ARMC9: variants seen among roughly 807,000 people sequenced by gnomAD.
ARMC9 encodes the protein lisH domain-containing protein ARMC9.
In ARMC9, 94 loss-of-function variants were observed where a neutral mutation model predicts 107.0. The observed-to-expected ratio is 0.88, with a 90% CI of 0.74 to 1.04. The LOEUF is 1.04. Ranked by LOEUF, ARMC9 falls within the 50% of genes least tolerant of loss-of-function variation. The pLI is 0.00. For missense variants in ARMC9, 942 were observed against 1,030.1 expected, an observed-to-expected ratio of 0.91 and a Z score of 1.17; for synonymous variants, 380 against 396.9, an observed-to-expected ratio of 0.96 and a Z score of 0.51.
intron 15 of ARMC9, among the ~76,000 whole-genome samples, chr2:231,277,278 T>C (rs1213553091): frequency 1.3e-5 from 2 of 152,160 alleles, no homozygotes; most frequent in East Asian, 3.8e-4. Context: ...AGGTAGTGAT[T>C]TGAGCTTTTC....
chr2:231,263,485 C>G (rs900616299), intron 12 of ARMC9, among the ~76,000 whole-genome samples: 4 of 152,198 alleles, frequency 2.6e-5, no homozygotes, highest in Admixed American at 1.3e-4. Flanking sequence ...AGCCTACTCG[C>G]ACAATAACTA....
chr2:231,302,023 T>G (rs921964006), intron 19 of ARMC9, among the ~76,000 whole-genome samples: 1 of 152,112 alleles, frequency 6.6e-6, no homozygotes, highest in Non-Finnish European at 1.5e-5. Flanking sequence ...AGTTCCTGGG[T>G]CTCCTGTCCT....
intron 6 of ARMC9, among the ~76,000 whole-genome samples, chr2:231,226,505 A>G (rs1055849419): frequency 1.1e-4 from 16 of 152,202 alleles, no homozygotes; most frequent in African/African-American, 3.1e-4. Context: ...AGGGGATAGG[A>G]GGCTGTTGAA....
intron 19 of ARMC9, among the ~76,000 whole-genome samples, chr2:231,314,600 A>G (rs2042557885): frequency 2.0e-5 from 3 of 152,204 alleles, no homozygotes; most frequent in African/African-American, 4.8e-5. Flanking sequence ...AGCGGCATCC[A>G]TGGCCTCTGC....
Position 231,376,728 on chromosome 2 carries a change from C to T in ARMC9, c.*5193C>T, listed in dbSNP as rs1339518239. 2.6e-5 allele frequency among the ~76,000 whole-genome samples: 4 copies of T among 152,216 alleles called. No individual in the cohort carries two copies. The highest frequency in any genetic ancestry group is 2.1e-4 in the South Asian group (1 of 4,820). On this transcript the variant is annotated 3_prime_UTR_variant, in exon 25 of 25. Coordinates refer to ENST00000611582, the MANE Select transcript of ARMC9 (RefSeq NM_001352754.2). ...TTGATGTCTGTCACCCACACCTATT[C>T]GCACACTCCCTCCCCTTTTGAAAAT...
intron 23 of ARMC9, among the ~76,000 whole-genome samples, chr2:231,361,460 TA>T (rs567342793): frequency 1.7e-3 from 145 of 87,476 alleles, no homozygotes; most frequent in Admixed American, 2.1e-3. Context: ...ATCAAAAAAC[TA>T]AAAAAAAAAA....
At chr2:231,265,685 G>C (rs979016589) in intron 12 of ARMC9, among the ~76,000 whole-genome samples, 1 of 150,030 alleles carries the variant, frequency 6.7e-6, no homozygotes, top group Non-Finnish European at 1.5e-5. Flanking sequence ...CCAGAAACTT[G>C]AAATAAAACT....
chr2:231,350,226 A>G (rs930628983), intron 21 of ARMC9, among the ~76,000 whole-genome samples: 3 of 151,676 alleles, frequency 2.0e-5, no homozygotes, highest in African/African-American at 7.3e-5. Flanking sequence ...GGATTTCACC[A>G]TGTTGGCCAG....
chr2:231,220,875 G>A (rs2034054398), intron 5 of ARMC9, among the ~76,000 whole-genome samples: 2 of 152,338 alleles, frequency 1.3e-5, no homozygotes, highest in South Asian at 4.1e-4. Flanking sequence ...ATACAAAATA[G>A]TAATCAACAA....
intron 1 of ARMC9, 106 bp downstream of exon 1, chr2:231,198,804 C>G (rs1247436812): frequency 1.3e-5 from 2 of 152,548 alleles, no homozygotes; most frequent in Non-Finnish European, 2.9e-5. Flanking sequence ...ACCTCTTGTT[C>G]CGAGGAAAAA....
At chr2:231,367,456 T>C (rs1353058124) in intron 23 of ARMC9, among the ~76,000 whole-genome samples, 1 of 152,128 alleles carries the variant, frequency 6.6e-6, no homozygotes, top group Non-Finnish European at 1.5e-5. Context: ...CTGGCTGCCT[T>C]TGAGGGCTGC....
intron 9 of ARMC9, among the ~76,000 whole-genome samples, chr2:231,247,447 C>T (rs1202099525): frequency 6.6e-6 from 1 of 152,190 alleles, no homozygotes; most frequent in Non-Finnish European, 1.5e-5. Flanking sequence ...TGCCTTCTCC[C>T]CAGTGTGATT....
At chr2:231,206,682 G>T (rs1277736246) in intron 2 of ARMC9, among the ~76,000 whole-genome samples, 1 of 152,150 alleles carries the variant, frequency 6.6e-6, no homozygotes, top group Non-Finnish European at 1.5e-5. Flanking sequence ...CAATAATATA[G>T]CATGAACATC....
Position 231,216,537 on chromosome 2 carries a change from G to A in ARMC9, c.349-101G>A, listed in dbSNP as rs138705063. The A allele has an allele frequency of 2.0e-4, 276 of 1,346,584 alleles. 3 individuals are homozygous for A. In the East Asian group the frequency reaches 4.8e-3, roughly 24 times the overall value. 83.4% of individuals were successfully genotyped at this position (1,346,584 alleles called of 1,614,324 possible). On this transcript the variant is annotated intron_variant, in intron 4 of 24. Coordinates refer to ENST00000611582, the MANE Select transcript of ARMC9 (RefSeq NM_001352754.2). ...GCCAGGTTAGATAGGGGATGCCAGC[G>A]ACACGACTGGGACAGAAGGAGCCTC...
intron 15 of ARMC9, among the ~76,000 whole-genome samples, 187 bp downstream of exon 15, chr2:231,276,962 GC>G (rs1444512359): frequency 6.6e-6 from 1 of 152,144 alleles, no homozygotes; most frequent in Admixed American, 6.5e-5. Flanking sequence ...ATCCATTCTT[GC>G]CCTGGAAAAA....
intron 5 of ARMC9, among the ~76,000 whole-genome samples, chr2:231,218,115 A>G (rs1365622196): frequency 1.3e-5 from 2 of 152,212 alleles, no homozygotes; most frequent in Non-Finnish European, 2.9e-5. Context: ...AATTCTGTAA[A>G]ACAACTTTCA....
At chr2:231,203,606 G>T (rs1174013528) in intron 1 of ARMC9, among the ~76,000 whole-genome samples, 2 of 152,186 alleles carry the variant, frequency 1.3e-5, no homozygotes, top group East Asian at 3.9e-4. Context: ...GGGAGGCAGA[G>T]GAGGGAGGAT....
Position 231,255,378 on chromosome 2 carries a change from TGAA to T in ARMC9, c.880-1205_880-1203del, listed in dbSNP as rs1298279369. Among the ~76,000 whole-genome samples the T allele has an allele frequency of 6.6e-6, 1 of 152,202 alleles. No individual in the cohort carries two copies. The highest frequency in any genetic ancestry group is 1.5e-5 in the Non-Finnish European group (1 of 68,036). ...GGTACAAAGTGCACATTTTTATACT[TGAA>T]GAGAAAATCTTAATAAAGAAAAAAA... On this transcript the variant is annotated intron_variant, in intron 9 of 24. Transcript: ENST00000611582. The surrounding 1 kb of genome is among the most constrained non-coding windows in gnomAD (Gnocchi z 4.7).
chr2:231,329,196 G>T (rs1380218812), intron 19 of ARMC9, among the ~76,000 whole-genome samples: 1 of 152,040 alleles, frequency 6.6e-6, no homozygotes, highest in Non-Finnish European at 1.5e-5. Flanking sequence ...ATATCTTGCT[G>T]GGATTTTGAT....
Sources: gnomAD v4.1 joint callset for allele counts (sites outside exome capture counted in the v4.1 genomes callset) on GRCh38, gnomAD v4.1.1 for gene constraint, Gnocchi (gnomAD v3.1) non-coding constraint, MANE v1.5 for transcripts, NCBI Gene and HGNC (gene_info 2026-07-23, HGNC 2026-07-21) for gene names.